Variants in NNT observed in about 807,000 individuals in gnomAD.
NNT encodes the protein nicotinamide nucleotide transhydrogenase, also known as NAD(P) transhydrogenase, mitochondrial.
NNT carries 50 observed loss-of-function variants against 104.8 expected under a neutral mutation model. The ratio of observed to expected loss-of-function variants is 0.48; its 90% CI spans 0.38 to 0.60. The LOEUF (loss-of-function observed/expected upper bound fraction) is 0.60, where lower values mean the gene tolerates loss of function less well. Among genes scored for constraint, NNT ranks in the 20% least tolerant of loss-of-function variants. NNT has a pLI of 0.00. For synonymous variants in NNT, 461 were observed against 490.4 expected, an observed-to-expected ratio of 0.94 and a Z score of 0.79; for missense variants, 1,131 against 1,330.7, an observed-to-expected ratio of 0.85 and a Z score of 2.33.
chr5:43,630,099 G>A lies in NNT; in HGVS notation c.964+1712G>A, dbSNP rs967955858. Among the ~76,000 whole-genome samples the A allele has an allele frequency of 9.2e-5, 14 of 152,064 alleles. No individual in the cohort carries two copies. The East Asian group carries it at 9.6e-4, about 10-fold the overall frequency. On this transcript the variant is annotated intron_variant, in intron 7 of 21. Coordinates refer to ENST00000344920, the MANE Select transcript of NNT (RefSeq NM_182977.3). ...GATGTTATGTTCTAGAATTTTTATC[G>A]TTTCAGGTCTTAGATTTAAGTGTTT...
intron 7 of NNT, among the ~76,000 whole-genome samples, chr5:43,631,131 T>A (rs1750652406): frequency 6.6e-6 from 1 of 151,908 alleles, no homozygotes; most frequent in African/African-American, 2.4e-5. Context: ...GATAACCGCA[T>A]CCCCCCAGAG....
At chr5:43,673,120 A>T (rs1388165969) in intron 17 of NNT, among the ~76,000 whole-genome samples, 1 of 152,114 alleles carries the variant, frequency 6.6e-6, no homozygotes, top group Non-Finnish European at 1.5e-5. Context: ...ATTTGCTAAG[A>T]CCATTGGAAA....
At chr5:43,683,140 A>G (rs1460748628) in intron 19 of NNT, among the ~76,000 whole-genome samples, 1 of 152,198 alleles carries the variant, frequency 6.6e-6, no homozygotes, top group Non-Finnish European at 1.5e-5. Flanking sequence ...TTCTCGAAAA[A>G]CATGGTGGCA....
At chr5:43,666,723 G>A (rs1424559378) in intron 17 of NNT, 3 of 1,131,562 alleles carry the variant, frequency 2.7e-6, no homozygotes, top group Non-Finnish European at 3.7e-6. Context: ...ACGGGGGTGG[G>A]GGGTCGCACC....
At chr5:43,686,709 G>A (rs921667682) in intron 19 of NNT, among the ~76,000 whole-genome samples, 4 of 152,088 alleles carry the variant, frequency 2.6e-5, no homozygotes, top group Non-Finnish European at 5.9e-5. Context: ...ATACAAAAAT[G>A]TATTTGAACA....
intron 17 of NNT, among the ~76,000 whole-genome samples, chr5:43,662,132 T>A (rs34307136): frequency 0.034 from 5,144 of 152,338 alleles, 134 homozygotes; most frequent in East Asian, 0.12. Flanking sequence ...TATCCTTTTT[T>A]AAAAATGGTT....
chr5:43,651,017 T>C (rs1739728851), intron 12 of NNT, among the ~76,000 whole-genome samples: 1 of 152,236 alleles, frequency 6.6e-6, no homozygotes, highest in South Asian at 2.1e-4. Flanking sequence ...TAGCTAACAA[T>C]TCTTTAATGT....
intron 14 of NNT, chr5:43,653,529 G>T (rs1030038934): frequency 1.1e-5 from 2 of 183,216 alleles, no homozygotes; most frequent in African/African-American, 4.8e-5. Flanking sequence ...CTTTTGTTCT[G>T]CTGGGTATAA....
intron 17 of NNT, among the ~76,000 whole-genome samples, chr5:43,669,706 C>T (rs1740938542): frequency 6.6e-6 from 1 of 152,150 alleles, no homozygotes. Flanking sequence ...AGGATTTTTG[C>T]ATCGATGTTC....
intron 19 of NNT, among the ~76,000 whole-genome samples, chr5:43,686,095 A>G (rs1296027819): frequency 6.6e-6 from 1 of 152,100 alleles, no homozygotes; most frequent in African/African-American, 2.4e-5. Flanking sequence ...GTTTCATTTG[A>G]GTAGATTATT....
At chr5:43,688,240 A>G (rs1366949501) in intron 19 of NNT, among the ~76,000 whole-genome samples, 1 of 152,114 alleles carries the variant, frequency 6.6e-6, no homozygotes, top group African/African-American at 2.4e-5. Flanking sequence ...CAGTGTAATC[A>G]CTAGGGTCAT....
At chr5:43,626,503 C>T (rs1008201566) in intron 6 of NNT, among the ~76,000 whole-genome samples, 1 of 151,742 alleles carries the variant, frequency 6.6e-6, no homozygotes, top group Non-Finnish European at 1.5e-5. Flanking sequence ...ATATTGGAAT[C>T]AAAAGATATA....
chr5:43,659,053 A>AACT, intron 16 of NNT, 118 bp from the exon 17 acceptor site: 1 of 1,007,872 alleles, frequency 9.9e-7, no homozygotes, highest in Non-Finnish European at 1.4e-6. Flanking sequence ...CCGGAAGTGG[A>AACT]ACTTATATGT....
intron 14 of NNT, chr5:43,653,617 T>A (rs1739886729): frequency 1.3e-5 from 2 of 151,710 alleles, no homozygotes; most frequent in Admixed American, 6.6e-5. Context: ...GCAGAAAAAC[T>A]ACTGTTTTAA....
rs1485215212 is a variant in NNT, at chr5:43,603,214, G to C, written c.-134G>C. On this transcript the variant is annotated 5_prime_UTR_variant, in exon 1 of 22. Coordinates refer to ENST00000344920, the MANE Select transcript of NNT (RefSeq NM_182977.3). ...CCGGGTTGGAGGCGCAGCGCCGCGG[G>C]GCCCAAGCCCGGGTCTGCCAGCGCG... 1 of 152,806 alleles carries C rather than the reference G, an allele frequency of 6.5e-6. No homozygotes were observed. Among genetic ancestry groups the C allele is most frequent in the Non-Finnish European group, 1.5e-5 (1 of 68,540 alleles). The allele number at this position is 152,806 out of a possible 1,614,324, so 9.5% of individuals were successfully genotyped here. A position where few individuals can be genotyped will look rare whatever the true frequency, so the allele number is the denominator to read the frequency against.
chr5:43,618,529 C>A (rs1033986332), intron 4 of NNT, among the ~76,000 whole-genome samples: 2 of 152,194 alleles, frequency 1.3e-5, no homozygotes, highest in Non-Finnish European at 2.9e-5. Flanking sequence ...TACCTAAGCA[C>A]TACCCAGTCA....
At chr5:43,638,194 C>T (rs1036708847) in intron 7 of NNT, among the ~76,000 whole-genome samples, 3 of 152,138 alleles carry the variant, frequency 2.0e-5, no homozygotes, top group African/African-American at 7.2e-5. Flanking sequence ...TAAGTTTCCT[C>T]AAGTCTCCCC....
chr5:43,616,935 A>AAAT (rs1201600637), intron 4 of NNT, among the ~76,000 whole-genome samples: 25 of 152,208 alleles, frequency 1.6e-4, no homozygotes, highest in Non-Finnish European at 2.5e-4. Flanking sequence ...GGCACAAAGA[A>AAAT]AATAACCTTT....
At chr5:43,699,353 C>CTT (rs11397352) in intron 19 of NNT, among the ~76,000 whole-genome samples, 3,078 of 122,452 alleles carry the variant, frequency 0.025, 146 homozygotes, top group African/African-American at 0.054. Context: ...ATCTCCCTAC[C>CTT]TTTTTTTTTT....
Sources: allele counts gnomAD v4.1 joint callset (sites outside exome capture counted in the v4.1 genomes callset), GRCh38; gene constraint gnomAD v4.1.1; transcripts MANE v1.5; gene names NCBI Gene and HGNC (gene_info 2026-07-23, HGNC 2026-07-21).